Variants in ESS2 observed in about 807,000 individuals in gnomAD.
ESS2 encodes the protein ess-2 spliceosome associated protein.
A neutral mutation model predicts 52.0 loss-of-function variants in ESS2; 31 were observed. That is an observed-to-expected ratio of 0.60 (90% CI 0.45 to 0.81). ESS2 has a LOEUF of 0.81. Among genes scored for constraint, ESS2 ranks in the 30% least tolerant of loss-of-function variants. The probability of loss-of-function intolerance (pLI) is 0.00; values close to 1 mark genes in which losing one functional copy is unlikely to be tolerated. For missense variants in ESS2, 602 were observed against 637.2 expected, an observed-to-expected ratio of 0.94 and a Z score of 0.59; for synonymous variants, 285 against 259.2, an observed-to-expected ratio of 1.10 and a Z score of -0.95.
intron 1 of ESS2, chr22:19,144,098 T>TC: frequency 9.9e-7 from 1 of 1,010,838 alleles, no homozygotes; most frequent in Non-Finnish European, 1.2e-6. Context: ...TGTGTGCGTG[T>TC]GGTGGGGCGA....
At chr22:19,142,516 T>TA (rs762040443) in intron 3 of ESS2, 22 bp downstream of exon 3, 7 of 1,579,410 alleles carry the variant, frequency 4.4e-6, no homozygotes, top group Non-Finnish European at 6.0e-6. Context: ...CCATGTGACT[T>TA]AAAGAGGGCA....
chr22:19,136,178 A>T (rs2083578410), intron 8 of ESS2, among the ~76,000 whole-genome samples: 1 of 152,164 alleles, frequency 6.6e-6, no homozygotes. Context: ...TCTGGCCAAC[A>T]TGGTGAAACC....
chr22:19,139,441 C>G, intron 5 of ESS2, 149 bp from the exon 6 acceptor site: 2 of 1,309,138 alleles, frequency 1.5e-6, no homozygotes, highest in East Asian at 4.6e-5. Flanking sequence ...GGGTCTCACT[C>G]ACTGCTGACC....
Position 19,137,227 on chromosome 22 carries a change from G to C in ESS2, c.1035+96C>G, listed in dbSNP as rs1041587945. 3 of 856,500 alleles carry C rather than the reference G, an allele frequency of 3.5e-6. No individual in the cohort carries two copies. In the African/African-American group the frequency reaches 5.2e-5, roughly 15 times the overall value. The allele number at this position is 856,500 out of a possible 1,614,324, so 53.1% of individuals were successfully genotyped here. On this transcript the variant is annotated intron_variant, in intron 8 of 9. Transcript: ENST00000252137. ...CAGCACTCTGCCCGTCAGCAGCTGG[G>C]GGCCGATCCCAGTGCTCAGTCCTGA...
At chr22:19,140,763 C>A (rs940270234) in intron 3 of ESS2, among the ~76,000 whole-genome samples, 1 of 152,192 alleles carries the variant, frequency 6.6e-6, no homozygotes, top group African/African-American at 2.4e-5. Context: ...ATGCACAAGG[C>A]ACAGTGGCTA....
chr22:19,142,554 G>T lies in ESS2; in HGVS notation c.384C>A (p.Gly128=), dbSNP rs370098508. The change falls in exon 3 of 10, where the codon GGC becomes GGA. Residue 128 remains glycine, a synonymous_variant. Coordinates refer to ENST00000252137, the MANE Select transcript of ESS2 (RefSeq NM_022719.3). ...CTCACTCACCATCCTCCAGGCCTCG[G>T]CCGCGGGGCCTGGGCTTGTTGCCCA... is the stretch of plus-strand genomic sequence containing the variant. ...GVVGNKPRPR[G]RGLEDGEAGE... is the part of the protein sequence containing the mutation. 3 of 1,608,946 alleles carry T rather than the reference G, an allele frequency of 1.9e-6. No individual in the cohort carries two copies. Among genetic ancestry groups the T allele is most frequent in the African/African-American group, 2.7e-5 (2 of 74,606 alleles).
chr22:19,142,939 G>A, intron 1 of ESS2, 45 bp from the exon 2 acceptor site: 1 of 1,570,902 alleles, frequency 6.4e-7, no homozygotes, highest in Non-Finnish European at 8.6e-7. Flanking sequence ...AGGCGCGGTG[G>A]CTCACACCTG....
chr22:19,137,247 T>C, intron 8 of ESS2, 76 bp downstream of exon 8: 1 of 1,096,402 alleles, frequency 9.1e-7, no homozygotes, highest in Non-Finnish European at 1.4e-6. Context: ...CAGTGCTCAG[T>C]CCTGAGCCAC....
chr22:19,143,961 G>C (rs2083740031), intron 1 of ESS2: 2 of 862,416 alleles, frequency 2.3e-6, no homozygotes, highest in African/African-American at 1.8e-5. Context: ...CCTTGCTCCC[G>C]AGCTGCATAT....
At chr22:19,139,334 A>G in intron 5 of ESS2, 42 bp from the exon 6 acceptor site, 1 of 1,543,954 alleles carries the variant, frequency 6.5e-7, no homozygotes, top group Non-Finnish European at 8.7e-7. Context: ...TCAGAAGGGC[A>G]GCAGCCTAAG....
chr22:19,138,049 C>T, intron 7 of ESS2, 166 bp downstream of exon 7: 1 of 985,410 alleles, frequency 1.0e-6, no homozygotes, highest in Non-Finnish European at 1.2e-6. Flanking sequence ...GCAGCCTGGA[C>T]ACCTGGCCTC....
chr22:19,143,780 C>T (rs1411309115), intron 1 of ESS2, among the ~76,000 whole-genome samples: 1 of 152,178 alleles, frequency 6.6e-6, no homozygotes, highest in East Asian at 1.9e-4. Flanking sequence ...GGCTTGAACC[C>T]AGGAGGCAGA....
At chr22:19,141,134 A>C (rs536276385) in intron 3 of ESS2, among the ~76,000 whole-genome samples, 1 of 151,970 alleles carries the variant, frequency 6.6e-6, no homozygotes, top group East Asian at 1.9e-4. Context: ...AAAAAAAAAA[A>C]AGGAGAAGAA....
At chr22:19,143,630 C>T (rs1601369160) in intron 1 of ESS2, among the ~76,000 whole-genome samples, 2 of 152,170 alleles carry the variant, frequency 1.3e-5, no homozygotes, top group African/African-American at 2.4e-5. Context: ...CCAAGGCGGG[C>T]GGATCACCTG....
intron 8 of ESS2, among the ~76,000 whole-genome samples, chr22:19,136,425 T>C (rs918090306): frequency 5.9e-5 from 9 of 152,128 alleles, no homozygotes; most frequent in Non-Finnish European, 8.8e-5. Flanking sequence ...TTATTGTTTT[T>C]ACATGTAACC....
intron 6 of ESS2, 106 bp downstream of exon 6, chr22:19,139,053 C>T: frequency 1.4e-6 from 2 of 1,425,484 alleles, no homozygotes; most frequent in South Asian, 1.4e-5. Flanking sequence ...CAGATGGTTC[C>T]ACTCACTGAG....
rs983815124 is a variant in ESS2 at position 19,130,635 on chromosome 22, T to G, written c.*3561A>C. Reference sequence around the variant, plus strand: ...TCAAACAGCTGCCTGTTCCCTTAACTTGTCTTCAGATTTTGTCGACCCGAG... The same window carrying G: ...TCAAACAGCTGCCTGTTCCCTTAACGTGTCTTCAGATTTTGTCGACCCGAG... On this transcript the variant is annotated 3_prime_UTR_variant, in exon 10 of 10. Coordinates refer to ENST00000252137, the MANE Select transcript of ESS2 (RefSeq NM_022719.3). 8.0e-5 allele frequency: 27 copies of G among 338,362 alleles called. No individual in the cohort carries two copies. The highest frequency in any genetic ancestry group is 9.3e-4 in the Middle Eastern group (1 of 1,074). The allele number at this position is 338,362 out of a possible 1,614,324, so 21.0% of individuals were successfully genotyped here.
rs1355224396 is a variant in ESS2, at chr22:19,132,458, G to A, written c.*1738C>T. On this transcript the variant is annotated 3_prime_UTR_variant, in exon 10 of 10. Coordinates refer to ENST00000252137, the MANE Select transcript of ESS2 (RefSeq NM_022719.3). This position sits in a 1 kb window ranked among gnomAD's most constrained non-coding sequence, Gnocchi z 4.2. ...ACCATCACATCTCCGGAGCTGAGGTGGGGAAAGCAAGCACCTAGCATGACA... is the reference window on the plus strand; with the variant it reads ...ACCATCACATCTCCGGAGCTGAGGTAGGGAAAGCAAGCACCTAGCATGACA... 5 of 1,610,074 alleles carry A rather than the reference G, an allele frequency of 3.1e-6. No individual in the cohort carries two copies. In the South Asian group the frequency reaches 4.4e-5, roughly 14 times the overall value.
chr22:19,136,755 C>A (rs1361143422), intron 8 of ESS2, among the ~76,000 whole-genome samples: 1 of 152,114 alleles, frequency 6.6e-6, no homozygotes, highest in African/African-American at 2.4e-5. Flanking sequence ...ACCAAGGTAA[C>A]CAGAACCTCT....
Sources: allele counts gnomAD v4.1 joint callset (sites outside exome capture counted in the v4.1 genomes callset), GRCh38; gene constraint gnomAD v4.1.1; non-coding constraint Gnocchi (gnomAD v3.1); transcripts MANE v1.5; gene names NCBI Gene and HGNC (gene_info 2026-07-23, HGNC 2026-07-21).